CSMD2: variants seen among roughly 807,000 people sequenced by gnomAD.
CSMD2 encodes the protein CUB and sushi domain-containing protein 2.
CSMD2 carries 130 observed loss-of-function variants against 398.5 expected under a neutral mutation model. That is an observed-to-expected ratio of 0.33 (90% confidence interval 0.28 to 0.38). The LOEUF is 0.38. CSMD2 is among the 10% of genes least tolerant of loss of function. CSMD2 has a pLI of 1.00. For synonymous variants in CSMD2, 1,828 were observed against 1,908.5 expected (o/e 0.96, Z 1.10); for missense variants, 3,829 against 4,764.9 (o/e 0.80, Z 5.78).
chr1:34,010,603 C>CT (rs1647222582), intron 3 of CSMD2, among the ~76,000 whole-genome samples: 1 of 151,336 alleles, frequency 6.6e-6, no homozygotes, highest in African/African-American at 2.4e-5. Flanking sequence ...CACTGACTCT[C>CT]TTGATTTTTT....
upstream of CSMD2, among the ~76,000 whole-genome samples, chr1:34,165,445 C>T (rs1396080554): frequency 6.6e-6 from 1 of 152,206 alleles, no homozygotes; most frequent in East Asian, 1.9e-4. Context: ...TCTTCAGCGC[C>T]ACCTCCACCT....
chr1:33,752,489 G>A lies in CSMD2; in HGVS notation c.1847-8883C>T, dbSNP rs563273066. ...GGAGCTGAGCAGATGTTGGTGCCAT[G>A]CCTGTACAGCCTGCAGAACCACGAG... is the stretch of plus-strand genomic sequence containing the variant. On this transcript the variant is annotated intron_variant, in intron 13 of 70. Transcript: ENST00000373381. Among the ~76,000 whole-genome samples the A allele has an allele frequency of 2.0e-4, 31 of 152,302 alleles. No homozygotes were observed. The East Asian group carries it at 4.2e-3, about 21-fold the overall frequency.
intron 3 of CSMD2, among the ~76,000 whole-genome samples, chr1:33,950,973 T>C (rs114340235): frequency 0.033 from 4,958 of 152,344 alleles, 151 homozygotes; most frequent in African/African-American, 0.072. Context: ...CCTAACTGAT[T>C]ACAGCATTGA....
chr1:34,021,607 G>C (rs533264761), intron 3 of CSMD2, among the ~76,000 whole-genome samples: 1 of 152,218 alleles, frequency 6.6e-6, no homozygotes, highest in Non-Finnish European at 1.5e-5. Context: ...GCACCCTGCT[G>C]CTTCCCGTGA....
At chr1:33,856,106 A>T (rs1639066871) in intron 5 of CSMD2, among the ~76,000 whole-genome samples, 1 of 152,180 alleles carries the variant, frequency 6.6e-6, no homozygotes, top group South Asian at 2.1e-4. Context: ...AATGTGTCCA[A>T]GTCTGTGCCT....
At chr1:33,995,939 C>T (rs1041358581) in intron 3 of CSMD2, among the ~76,000 whole-genome samples, 2 of 152,184 alleles carry the variant, frequency 1.3e-5, no homozygotes, top group African/African-American at 2.4e-5. Context: ...ATGCACCCCT[C>T]GCTGAGGTCA....
At chr1:33,998,604 C>T (rs1303991684) in intron 3 of CSMD2, among the ~76,000 whole-genome samples, 2 of 152,182 alleles carry the variant, frequency 1.3e-5, no homozygotes, top group Admixed American at 6.5e-5. Flanking sequence ...CCTGGCAGCC[C>T]TCAGATCCAG....
At chr1:33,873,796 T>C (rs1485727185) in intron 5 of CSMD2, 1 of 152,206 alleles carries the variant, frequency 6.6e-6, no homozygotes, top group Non-Finnish European at 1.5e-5. Flanking sequence ...TAATAAATGT[T>C]GTTTCAAACC....
chr1:33,676,751 C>T (rs1644727871), intron 25 of CSMD2, among the ~76,000 whole-genome samples: 1 of 152,098 alleles, frequency 6.6e-6, no homozygotes, highest in Admixed American at 6.6e-5. Context: ...GGTACTGGTA[C>T]CAAAACAGAG....
intron 5 of CSMD2, among the ~76,000 whole-genome samples, chr1:33,878,572 G>C (rs1264064044): frequency 1.3e-5 from 2 of 152,250 alleles, no homozygotes; most frequent in Non-Finnish European, 2.9e-5. Context: ...AGCAAGGGCT[G>C]AAAGCAGTAG....
intron 57 of CSMD2, 44 bp from the exon 58 acceptor site, chr1:33,542,940 G>C (rs762859638): frequency 6.4e-7 from 1 of 1,561,610 alleles, no homozygotes; most frequent in Non-Finnish European, 8.8e-7. Flanking sequence ...ACAATGGTGG[G>C]TATCACCTAG....
At position 33,825,848 on chromosome 1, in the gene CSMD2, T is replaced by C; in HGVS notation, c.1034-74A>G. 4.9e-6 allele frequency: 6 copies of C among 1,215,626 alleles called. No individual in the cohort carries two copies. In the South Asian group the frequency reaches 6.5e-5, roughly 13 times the overall value. 75.3% of individuals were successfully genotyped at this position (1,215,626 alleles called of 1,614,324 possible). Reference sequence around the variant, plus strand: ...AGGGATAAGGGTCCCTCTAGAAGGATTCCCCCTTGTGCCTTGGAACATTCC... The same window carrying C: ...AGGGATAAGGGTCCCTCTAGAAGGACTCCCCCTTGTGCCTTGGAACATTCC... On this transcript the variant is annotated intron_variant, in intron 6 of 70. Coordinates refer to ENST00000373381, the MANE Select transcript of CSMD2 (RefSeq NM_001281956.2).
intron 44 of CSMD2, among the ~76,000 whole-genome samples, chr1:33,588,365 T>C (rs1306553626): frequency 1.4e-5 from 2 of 145,340 alleles, no homozygotes; most frequent in Non-Finnish European, 3.0e-5. Flanking sequence ...AATCTTTTTT[T>C]ATATATGCAT....
chr1:34,089,316 C>A, intron 1 of CSMD2, 123 bp from the exon 2 acceptor site: 2 of 907,106 alleles, frequency 2.2e-6, no homozygotes, highest in Non-Finnish European at 3.4e-6. Flanking sequence ...CATGAGCCAG[C>A]CCTGTACTTG....
intron 5 of CSMD2, among the ~76,000 whole-genome samples, chr1:33,916,273 G>A (rs1314501571): frequency 2.0e-5 from 3 of 152,144 alleles, no homozygotes; most frequent in African/African-American, 2.4e-5. Flanking sequence ...AAGAAAAAAG[G>A]TCAAAGGGGA....
intron 10 of CSMD2, among the ~76,000 whole-genome samples, chr1:33,795,642 A>G (rs111473159): frequency 0.029 from 4,432 of 152,274 alleles, 203 homozygotes; most frequent in African/African-American, 0.1. Context: ...TCTCTGACTA[A>G]CCTTGACAAG....
intron 55 of CSMD2, among the ~76,000 whole-genome samples, chr1:33,552,990 A>G (rs1054800636): frequency 1.3e-5 from 2 of 152,258 alleles, no homozygotes; most frequent in African/African-American, 4.8e-5. Flanking sequence ...TCCACTTGAA[A>G]GAAAAGATTG....
intron 6 of CSMD2, among the ~76,000 whole-genome samples, chr1:33,828,868 T>C (rs1388880826): frequency 1.3e-5 from 2 of 152,248 alleles, no homozygotes; most frequent in Non-Finnish European, 2.9e-5. Flanking sequence ...GATGTCATCA[T>C]GCAACGCAAG....
intron 13 of CSMD2, among the ~76,000 whole-genome samples, chr1:33,764,341 C>T (rs1255421918): frequency 6.6e-6 from 1 of 152,118 alleles, no homozygotes; most frequent in African/African-American, 2.4e-5. Flanking sequence ...TGCCCATTCT[C>T]CAGTACAGTA....
Sources: gnomAD v4.1 joint callset for allele counts (sites outside exome capture counted in the v4.1 genomes callset) on GRCh38, gnomAD v4.1.1 for gene constraint, MANE v1.5 for transcripts, NCBI Gene and HGNC (gene_info 2026-07-23, HGNC 2026-07-21) for gene names.